Variants in RNF38 observed in about 807,000 individuals in gnomAD.
RNF38 encodes the protein ring finger protein 38, also known as E3 ubiquitin-protein ligase RNF38.
Under a neutral mutation model 67.2 loss-of-function variants are expected in RNF38, and 15 were observed. That is an observed-to-expected ratio of 0.22 (90% CI 0.15 to 0.34). The LOEUF is 0.34. RNF38 is among the 10% of genes least tolerant of loss of function. RNF38 has a pLI of 1.00. For synonymous variants in RNF38, 220 were observed against 218.8 expected (o/e 1.01, Z -0.05); for missense variants, 524 against 639.9 (o/e 0.82, Z 1.95).
At chr9:36,441,670 T>C (rs146231870) in intron 1 of RNF38, among the ~76,000 whole-genome samples, 1 of 152,230 alleles carries the variant, frequency 6.6e-6, no homozygotes, top group Non-Finnish European at 1.5e-5. Flanking sequence ...CTAGGATGGA[T>C]TTCACCAAAC....
intron 2 of RNF38, 114 bp downstream of exon 2, chr9:36,390,353 A>G (rs943962830): frequency 2.4e-5 from 21 of 862,014 alleles, no homozygotes; most frequent in Non-Finnish European, 3.6e-5. Flanking sequence ...ACTTATTTCC[A>G]CATACAACAG....
chr9:36,464,192 C>CA (rs376652613), intron 1 of RNF38, among the ~76,000 whole-genome samples: 5,126 of 149,170 alleles, frequency 0.034, 264 homozygotes, highest in African/African-American at 0.11. Context: ...CAAAAAACCA[C>CA]ACAAAAAAAA....
At chr9:36,397,450 G>A (rs1157471115) in intron 1 of RNF38, among the ~76,000 whole-genome samples, 1 of 152,140 alleles carries the variant, frequency 6.6e-6, no homozygotes, top group Admixed American at 6.5e-5. Flanking sequence ...AGTATTAGGA[G>A]AAACCATTCA....
At chr9:36,457,581 G>A (rs1304545674) in intron 1 of RNF38, among the ~76,000 whole-genome samples, 1 of 152,120 alleles carries the variant, frequency 6.6e-6, no homozygotes, top group Admixed American at 6.6e-5. Flanking sequence ...AATCTTTAAG[G>A]CATAGGTTCT....
At chr9:36,455,543 G>A (rs928649922) in intron 1 of RNF38, among the ~76,000 whole-genome samples, 3 of 151,782 alleles carry the variant, frequency 2.0e-5, no homozygotes, top group Non-Finnish European at 2.9e-5. Flanking sequence ...AGCACTTTGG[G>A]AGGCCGAGGC....
At chr9:36,448,956 T>C (rs1839373171) in intron 1 of RNF38, among the ~76,000 whole-genome samples, 3 of 151,924 alleles carry the variant, frequency 2.0e-5, no homozygotes, top group South Asian at 4.1e-4. Flanking sequence ...ATTGTGCCAC[T>C]GCACTCCAGC....
At chr9:36,368,349 T>C (rs1242343988) in intron 4 of RNF38, among the ~76,000 whole-genome samples, 1 of 152,166 alleles carries the variant, frequency 6.6e-6, no homozygotes, top group African/African-American at 2.4e-5. Flanking sequence ...TGAAATGCAG[T>C]CTTTTCTTTC....
chr9:36,346,701 T>G (rs1010825014), intron 9 of RNF38, among the ~76,000 whole-genome samples: 9 of 149,842 alleles, frequency 6.0e-5, no homozygotes, highest in Non-Finnish European at 1.3e-4. Context: ...ATGTAATAAC[T>G]GTGTGTTTTA....
chr9:36,387,335 A>G (rs1309040635), intron 2 of RNF38, among the ~76,000 whole-genome samples: 1 of 152,260 alleles, frequency 6.6e-6, no homozygotes, highest in Non-Finnish European at 1.5e-5. Context: ...TTTACAAAAT[A>G]AAAGCTATAA....
rs41277099 is a variant in RNF38 at position 36,336,955 on chromosome 9, G to T, written c.*2797C>A. 1 of 152,224 alleles carries T rather than the reference G, an allele frequency of 6.6e-6. No homozygotes were observed. Among genetic ancestry groups the T allele is most frequent in the Non-Finnish European group, 1.5e-5 (1 of 68,026 alleles). 9.4% of individuals were successfully genotyped at this position (152,224 alleles called of 1,614,324 possible). On this transcript the variant is annotated 3_prime_UTR_variant, in exon 12 of 12. Transcript: ENST00000259605. ...ATCCTAATATGAGATCTTGATACCT[G>T]GAGGCCTTATTTTTTTGAGGGGCTG...
At chr9:36,341,883 A>C (rs1832877758) in intron 11 of RNF38, among the ~76,000 whole-genome samples, 2 of 150,840 alleles carry the variant, frequency 1.3e-5, no homozygotes, top group Admixed American at 6.7e-5. Context: ...CCCCTGCAAT[A>C]ATTTCACTCT....
chr9:36,414,602 C>T (rs1838412389), intron 2 of RNF38, among the ~76,000 whole-genome samples: 1 of 150,708 alleles, frequency 6.6e-6, no homozygotes, highest in Admixed American at 6.7e-5. Context: ...AGGAGAATCA[C>T]TAGAACCCAG....
chr9:36,384,360 T>A (rs978535712), intron 2 of RNF38, among the ~76,000 whole-genome samples: 4 of 152,200 alleles, frequency 2.6e-5, no homozygotes, highest in African/African-American at 9.6e-5. Flanking sequence ...AGGGTAGGAA[T>A]ATAAATTTAG....
At chr9:36,374,290 G>A (rs1040052610) in intron 3 of RNF38, among the ~76,000 whole-genome samples, 4 of 152,178 alleles carry the variant, frequency 2.6e-5, no homozygotes, top group African/African-American at 7.2e-5. Context: ...GCATTAGCCC[G>A]CTCAGGCTGC....
chr9:36,454,473 A>G (rs1839536106), intron 1 of RNF38, among the ~76,000 whole-genome samples: 1 of 151,584 alleles, frequency 6.6e-6, no homozygotes, highest in African/African-American at 2.4e-5. Context: ...TATCATACCT[A>G]TTACATTATT....
rs1347113117 is a variant in RNF38 at position 36,351,206 on chromosome 9, T to C, written c.1179-7A>G. On this transcript the variant is annotated splice_region_variant and splice_polypyrimidine_tract_variant and intron_variant, in intron 8 of 11. Transcript: ENST00000259605. ...TGGCACTGGAAGCATTGATCTGCAG[T>C]GAAAACAATCACACTAGCATTGATA... 1 of 1,602,066 alleles carries C rather than the reference T, an allele frequency of 6.2e-7. No individual in the cohort carries two copies. The highest frequency in any genetic ancestry group is 2.2e-5 in the East Asian group (1 of 44,748).
In RNF38 at chr9:36,369,760, G is replaced by A; in HGVS notation, c.529C>T (p.Pro177Ser). The stretch of plus-strand genomic sequence containing the variant: ...ACCATGACTGCATTCTGCTGGGGTG[G>A]ATGAGCAGCAGGATGTAGCAGACGG... ...SPRLLHPAAH[P>S]PQQNAVMVDI... Residue 177 changes from proline (P) to serine (S), a missense_variant, in exon 4 of 12, where the codon CCA becomes TCA. Physicochemically the swap from Pro to Ser is moderately conservative, Grantham distance 74. Transcript: ENST00000259605. 1 of 1,614,024 alleles carries A rather than the reference G, an allele frequency of 6.2e-7. No homozygotes were observed.
intron 2 of RNF38, among the ~76,000 whole-genome samples, chr9:36,387,679 T>C (rs1234916864): frequency 1.3e-5 from 2 of 152,214 alleles, no homozygotes; most frequent in South Asian, 2.1e-4. Flanking sequence ...AAATATTGTA[T>C]GAAGCACTTT....
At chr9:36,445,750 A>G (rs1839284833) in intron 1 of RNF38, among the ~76,000 whole-genome samples, 1 of 152,246 alleles carries the variant, frequency 6.6e-6, no homozygotes, top group African/African-American at 2.4e-5. Context: ...TTTTCAATCT[A>G]CTACTTCAGA....
Sources: gnomAD v4.1 joint callset for allele counts (sites outside exome capture counted in the v4.1 genomes callset) on GRCh38, gnomAD v4.1.1 for gene constraint, MANE v1.5 for transcripts, NCBI Gene and HGNC (gene_info 2026-07-23, HGNC 2026-07-21) for gene names.